Variants in SGK2 observed in about 807,000 individuals in gnomAD.
The protein encoded by SGK2 is serine/threonine-protein kinase Sgk2.
A neutral mutation model predicts 47.5 loss-of-function variants in SGK2; 36 were observed. That is an observed-to-expected ratio of 0.76 (90% CI 0.58 to 1.00). SGK2 has a LOEUF of 1.00. Among genes scored for constraint, SGK2 ranks in the 50% least tolerant of loss-of-function variants. The probability of loss-of-function intolerance (pLI) is 0.00; values close to 1 mark genes in which losing one functional copy is unlikely to be tolerated. For missense variants in SGK2, 404 were observed against 467.4 expected (o/e 0.86, Z 1.25); for synonymous variants, 157 against 181.9 (o/e 0.86, Z 1.10).
At chr20:43,571,492 G>C (rs1221209051) in intron 8 of SGK2, among the ~76,000 whole-genome samples, 2 of 152,182 alleles carry the variant, frequency 1.3e-5, no homozygotes, top group African/African-American at 4.8e-5. Flanking sequence ...AGCTGATCTT[G>C]CCGGCAGGGG....
intron 1 of SGK2, among the ~76,000 whole-genome samples, chr20:43,562,212 A>G (rs1285692643): frequency 6.6e-6 from 1 of 151,436 alleles, no homozygotes; most frequent in Non-Finnish European, 1.5e-5. Context: ...TCATGAGCTC[A>G]AGACCAGCCT....
chr20:43,563,991 A>G (rs753497167), intron 1 of SGK2, among the ~76,000 whole-genome samples: 1 of 152,178 alleles, frequency 6.6e-6, no homozygotes, highest in South Asian at 2.1e-4. Flanking sequence ...CCCTAGCCCC[A>G]TGTGTCCCTC....
At chr20:43,560,806 T>C (rs1488821709) in intron 1 of SGK2, among the ~76,000 whole-genome samples, 1 of 152,208 alleles carries the variant, frequency 6.6e-6, no homozygotes, top group Admixed American at 6.5e-5. Flanking sequence ...GATTCATTAG[T>C]CAAATTGTAC....
chr20:43,578,764 AG>A (rs1159126529), intron 11 of SGK2, among the ~76,000 whole-genome samples: 1 of 152,152 alleles, frequency 6.6e-6, no homozygotes, highest in Non-Finnish European at 1.5e-5. Flanking sequence ...TCGTAACAAC[AG>A]TTAGGGCATC....
intron 2 of SGK2, 108 bp downstream of exon 2, chr20:43,566,639 G>A: frequency 1.3e-6 from 1 of 759,670 alleles, no homozygotes; most frequent in South Asian, 1.8e-5. Flanking sequence ...GTTACTGCGA[G>A]CACATAGAAA....
intron 11 of SGK2, among the ~76,000 whole-genome samples, chr20:43,579,295 C>T (rs6073133): frequency 0.73 from 110,943 of 152,034 alleles, 40,973 homozygotes; most frequent in East Asian, 0.8. Context: ...GCACTACCAG[C>T]GTGAGCCACT....
At chr20:43,580,128 T>A (rs1327964840) in intron 12 of SGK2, 67 bp downstream of exon 12, 1 of 975,978 alleles carries the variant, frequency 1.0e-6, no homozygotes, top group African/African-American at 1.7e-5. Flanking sequence ...GCTTGCCAAC[T>A]CTCCTTATCT....
Position 43,569,496 on chromosome 20 carries a change from G to A in SGK2, c.340G>A (p.Asp114Asn), listed in dbSNP as rs369045712. The stretch of plus-strand genomic sequence containing the variant: ...ACCTGAGAAGCTCTACTTCGTGCTC[G>A]ACTATGTCAACGGGGGAGAGGTGGG... ...QTPEKLYFVL[D>N]YVNGGELFFH... The change falls in exon 6 of 13, where the codon GAC becomes AAC. Residue 114 changes from aspartate to asparagine, a missense_variant. Physicochemically the swap from Asp to Asn is conservative, Grantham distance 23. Transcript: ENST00000373100. The A allele has an allele frequency of 6.2e-6, 10 of 1,613,400 alleles. No homozygotes were observed. Among genetic ancestry groups the A allele is most frequent in the South Asian group, 3.3e-5 (3 of 91,054 alleles).
intron 1 of SGK2, among the ~76,000 whole-genome samples, chr20:43,561,643 T>TC (rs1255054225): frequency 6.6e-6 from 1 of 152,082 alleles, no homozygotes; most frequent in Non-Finnish European, 1.5e-5. Flanking sequence ...CGCCTCGGCC[T>TC]CCCAAAGCAC....
Position 43,567,652 on chromosome 20 carries a change from C to T in SGK2, c.87-13C>T, listed in dbSNP as rs751160149. 40 of 1,613,594 alleles carry T rather than the reference C, an allele frequency of 2.5e-5. No individual in the cohort carries two copies. The highest frequency in any genetic ancestry group is 3.0e-5 in the Non-Finnish European group (35 of 1,179,762). On this transcript the variant is annotated splice_polypyrimidine_tract_variant and intron_variant, in intron 3 of 12. Transcript: ENST00000373100. ...TTGCAAATGCTGATCCGTGTTTTTC[C>T]CTCTTCCCCCAGTGCCCAGCCCACG...
chr20:43,568,327 G>T (rs1309696197), intron 5 of SGK2, among the ~76,000 whole-genome samples: 2 of 152,176 alleles, frequency 1.3e-5, no homozygotes, highest in African/African-American at 4.8e-5. Context: ...TATTCTCTCT[G>T]AAGACCCTTC....
At position 43,570,833 on chromosome 20, in the gene SGK2, C is replaced by A. The variant is rs960649643; in HGVS notation, c.473+104C>A. The A allele has an allele frequency of 6.3e-6, 8 of 1,274,222 alleles. No individual in the cohort carries two copies. The South Asian group carries it at 1.1e-4, about 17-fold the overall frequency. 78.9% of individuals were successfully genotyped at this position (1,274,222 alleles called of 1,614,324 possible). A position where few individuals can be genotyped will look rare whatever the true frequency, so the allele number is the denominator to read the frequency against. On this transcript the variant is annotated intron_variant, in intron 7 of 12. Transcript: ENST00000373100. ...CTGATGAAATCCTGGTGGACTTGGT[C>A]CTTTGTTTTGGGTGGGGTTGGAGTC... is the stretch of plus-strand genomic sequence containing the variant.
chr20:43,582,678 G>A lies in SGK2; in HGVS notation c.940-2174G>A, dbSNP rs1384119971. Among the ~76,000 whole-genome samples, 3 of 147,830 alleles carry A rather than the reference G, an allele frequency of 2.0e-5. No individual in the cohort carries two copies. The Admixed American group carries it at 2.0e-4, about 10-fold the overall frequency. On this transcript the variant is annotated intron_variant, in intron 12 of 12. Transcript: ENST00000373100. Reference sequence around the variant, plus strand: ...GCTGGGATTACAGGCATGAGCCATCGCGCCTGGCTTTTATTTTTATATTTT... The same window carrying A: ...GCTGGGATTACAGGCATGAGCCATCACGCCTGGCTTTTATTTTTATATTTT...
intron 6 of SGK2, among the ~76,000 whole-genome samples, 155 bp from the exon 7 acceptor site, chr20:43,570,462 G>A (rs1057056931): frequency 3.9e-5 from 6 of 152,360 alleles, no homozygotes; most frequent in African/African-American, 1.4e-4. Flanking sequence ...CGGGACTGCT[G>A]TGTGGGGCAG....
At chr20:43,578,886 A>G (rs1161566868) in intron 11 of SGK2, among the ~76,000 whole-genome samples, 2 of 152,208 alleles carry the variant, frequency 1.3e-5, no homozygotes, top group Admixed American at 6.5e-5. Context: ...AAAATAAGTT[A>G]TACATTCACA....
At chr20:43,566,310 C>T (rs1568660624) in intron 1 of SGK2, 163 bp from the exon 2 acceptor site, 1 of 1,600,616 alleles carries the variant, frequency 6.2e-7, no homozygotes, top group East Asian at 2.2e-5. Flanking sequence ...ATTTCTTGTT[C>T]CATCCATGCA....
At chr20:43,568,021 C>A in intron 5 of SGK2, 22 bp downstream of exon 5, 1 of 1,600,900 alleles carries the variant, frequency 6.2e-7, no homozygotes, top group Non-Finnish European at 8.6e-7. Flanking sequence ...CGGGCACAGG[C>A]ATTTCTTCTT....
In SGK2 at chr20:43,567,738, A is replaced by T. The variant is rs752624652; in HGVS notation, c.144+16A>T. 1 of 1,613,706 alleles carries T rather than the reference A, an allele frequency of 6.2e-7. No homozygotes were observed. The highest frequency in any genetic ancestry group is 8.5e-7 in the Non-Finnish European group (1 of 1,179,786). ...CTACGGGAAGGTGAGTGACTTGGTG[A>T]GGGTGGGAAGCCTGGGTCTTCCCTT... On this transcript the variant is annotated intron_variant, in intron 4 of 12. Coordinates refer to ENST00000373100, the MANE Select transcript of SGK2 (RefSeq NM_170693.3).
At chr20:43,575,195 G>T (rs1980391244) in intron 10 of SGK2, among the ~76,000 whole-genome samples, 191 bp downstream of exon 10, 1 of 151,996 alleles carries the variant, frequency 6.6e-6, no homozygotes, top group African/African-American at 2.4e-5. Context: ...AGGGGCGGTG[G>T]CTCACACCCA....
Sources: gnomAD v4.1 joint callset for allele counts (sites outside exome capture counted in the v4.1 genomes callset) on GRCh38, gnomAD v4.1.1 for gene constraint, MANE v1.5 for transcripts, NCBI Gene and HGNC (gene_info 2026-07-23, HGNC 2026-07-21) for gene names.